The following ZNF423 variants were observed in gnomAD, a reference collection of about 807,000 sequenced individuals.
ZNF423 encodes zinc finger protein 423.
Under a neutral mutation model 95.8 loss-of-function variants are expected in ZNF423, and 12 were observed. The observed-to-expected ratio is 0.13, with a 90% CI of 0.08 to 0.20. The LOEUF (loss-of-function observed/expected upper bound fraction) is 0.20, where lower values mean the gene tolerates loss of function less well. ZNF423 is among the 10% of genes least tolerant of loss of function. The probability of loss-of-function intolerance (pLI) is 1.00; values close to 1 mark genes in which losing one functional copy is unlikely to be tolerated. For missense variants in ZNF423, 1,316 were observed against 1,737.1 expected, an observed-to-expected ratio of 0.76 and a Z score of 4.31; for synonymous variants, 749 against 711.9, an observed-to-expected ratio of 1.05 and a Z score of -0.83.
chr16:49,837,327 C>T (rs1284345196), intron 1 of ZNF423, among the ~76,000 whole-genome samples: 1 of 152,160 alleles, frequency 6.6e-6, no homozygotes, highest in South Asian at 2.1e-4. Flanking sequence ...TCTGAAACTC[C>T]TTTCCTCAAC....
chr16:49,522,544 T>A (rs2151703876), intron 7 of ZNF423, among the ~76,000 whole-genome samples: 1 of 152,238 alleles, frequency 6.6e-6, no homozygotes, highest in African/African-American at 2.4e-5. Flanking sequence ...AGGAGGTTTG[T>A]TATTGCAGCC....
intron 4 of ZNF423, among the ~76,000 whole-genome samples, chr16:49,634,020 C>A (rs1158236586): frequency 6.6e-6 from 1 of 151,876 alleles, no homozygotes. Context: ...AATTCTCCTG[C>A]CTCAGCCTCG....
At chr16:49,824,938 A>G (rs1213574240) in intron 1 of ZNF423, among the ~76,000 whole-genome samples, 1 of 152,232 alleles carries the variant, frequency 6.6e-6, no homozygotes, top group East Asian at 1.9e-4. Flanking sequence ...AAGACTCGAA[A>G]TAAAGTTTAA....
intron 3 of ZNF423, among the ~76,000 whole-genome samples, chr16:49,674,476 C>T (rs72780328): frequency 3.9e-5 from 6 of 152,220 alleles, no homozygotes; most frequent in South Asian, 4.2e-4. Context: ...GGCTCTGAGA[C>T]GTGATGTCAC....
At chr16:49,764,013 G>A (rs2033880312) in intron 2 of ZNF423, among the ~76,000 whole-genome samples, 1 of 152,154 alleles carries the variant, frequency 6.6e-6, no homozygotes, top group African/African-American at 2.4e-5. Flanking sequence ...CTGGCCCCAC[G>A]GGCAGGAGGA....
At chr16:49,777,104 C>T (rs1267174414) in intron 2 of ZNF423, among the ~76,000 whole-genome samples, 1 of 152,130 alleles carries the variant, frequency 6.6e-6, no homozygotes, top group Non-Finnish European at 1.5e-5. Context: ...TGTGTGCATA[C>T]CTGTGTCTGC....
intron 1 of ZNF423, among the ~76,000 whole-genome samples, chr16:49,834,188 G>T (rs151277785): frequency 6.6e-6 from 1 of 152,258 alleles, no homozygotes; most frequent in South Asian, 2.1e-4. Flanking sequence ...TTAAGGCCCT[G>T]CAGTTCCACT....
At chr16:49,589,791 G>A (rs1337920539) in intron 5 of ZNF423, among the ~76,000 whole-genome samples, 4 of 152,036 alleles carry the variant, frequency 2.6e-5, no homozygotes, top group South Asian at 4.1e-4. Flanking sequence ...GCTACAGTGG[G>A]ATAATTACTT....
chr16:49,795,453 T>G (rs1384317906), intron 1 of ZNF423, among the ~76,000 whole-genome samples: 2 of 152,104 alleles, frequency 1.3e-5, no homozygotes, highest in Non-Finnish European at 2.9e-5. Flanking sequence ...AACAGAAAAC[T>G]CTGGCCACAG....
chr16:49,828,893 A>T (rs2035033703), intron 1 of ZNF423, among the ~76,000 whole-genome samples: 1 of 152,136 alleles, frequency 6.6e-6, no homozygotes, highest in African/African-American at 2.4e-5. Flanking sequence ...CAAATTAGGG[A>T]GGCTTCATGG....
At chr16:49,740,895 T>C (rs1197440448) in intron 2 of ZNF423, among the ~76,000 whole-genome samples, 1 of 152,246 alleles carries the variant, frequency 6.6e-6, no homozygotes, top group East Asian at 1.9e-4. Context: ...AATCGCCTCC[T>C]TCAGGCCAGA....
intron 5 of ZNF423, among the ~76,000 whole-genome samples, chr16:49,574,805 C>T (rs2151792495): frequency 6.6e-6 from 1 of 152,344 alleles, no homozygotes; most frequent in South Asian, 2.1e-4. Flanking sequence ...TGCCTGTGTG[C>T]TGCCTGCCCC....
chr16:49,607,953 C>G (rs1270986370), intron 5 of ZNF423, among the ~76,000 whole-genome samples: 2 of 152,190 alleles, frequency 1.3e-5, no homozygotes, highest in Non-Finnish European at 1.5e-5. Flanking sequence ...TCTGCCCCTC[C>G]CAACTCCCAT....
Position 49,855,535 on chromosome 16 carries a change from G to A in ZNF423, c.40+200C>T, listed in dbSNP as rs1338209878. Reference sequence around the variant, plus strand: ...CTCCGCCGCCGCCGCCGCCGCCGCCGCCTCCGCCTCCTGCTCCCGGCTTCC... The same window carrying A: ...CTCCGCCGCCGCCGCCGCCGCCGCCACCTCCGCCTCCTGCTCCCGGCTTCC... On this transcript the variant is annotated intron_variant, in intron 1 of 7. Coordinates refer to ENST00000563137, the MANE Select transcript of ZNF423 (RefSeq NM_001379286.1). The surrounding 1 kb of genome is among the most constrained non-coding windows in gnomAD (Gnocchi z 4.7). Among the ~76,000 whole-genome samples the A allele has an allele frequency of 7.1e-6, 1 of 140,838 alleles. No homozygotes were observed. Among genetic ancestry groups the A allele is most frequent in the Non-Finnish European group, 1.6e-5 (1 of 64,502 alleles). 92.4% of individuals were successfully genotyped at this position (140,838 alleles called of 152,430 possible).
rs573288051 is a variant in ZNF423, at chr16:49,537,669, T to C, written c.3602-12175A>G. On this transcript the variant is annotated intron_variant, in intron 5 of 7. Coordinates refer to ENST00000563137, the MANE Select transcript of ZNF423 (RefSeq NM_001379286.1). ...AGTGCACAGGGCCCTCAAAAGGTCT[T>C]TTCTGAGGTCACGTCTTCCTCTCAA... 4.8e-4 allele frequency among the ~76,000 whole-genome samples: 73 copies of C among 152,228 alleles called. 1 individual carries two copies. The South Asian group carries it at 0.015, about 32-fold the overall frequency.
At chr16:49,814,509 C>T (rs1001644860) in intron 1 of ZNF423, among the ~76,000 whole-genome samples, 1 of 151,316 alleles carries the variant, frequency 6.6e-6, no homozygotes, top group African/African-American at 2.4e-5. Flanking sequence ...GGGACAGGAT[C>T]GGAGGGCAAG....
intron 3 of ZNF423, among the ~76,000 whole-genome samples, chr16:49,673,472 G>A (rs2030911191): frequency 6.6e-6 from 1 of 152,246 alleles, no homozygotes; most frequent in Admixed American, 6.5e-5. Context: ...GACTGCGGGT[G>A]CTTGTTAAGG....
intron 1 of ZNF423, among the ~76,000 whole-genome samples, chr16:49,840,787 G>A (rs1161292957): frequency 6.6e-6 from 1 of 151,864 alleles, no homozygotes; most frequent in Non-Finnish European, 1.5e-5. Context: ...CACAGACTCA[G>A]ACACACGCAC....
At chr16:49,656,162 G>T (rs1349238901) in intron 3 of ZNF423, among the ~76,000 whole-genome samples, 2 of 152,186 alleles carry the variant, frequency 1.3e-5, no homozygotes, top group African/African-American at 4.8e-5. Context: ...GCTGGTTTAT[G>T]TGACTTTCTT....
Sources: gnomAD v4.1 joint callset for allele counts (sites outside exome capture counted in the v4.1 genomes callset) on GRCh38, gnomAD v4.1.1 for gene constraint, Gnocchi (gnomAD v3.1) non-coding constraint, MANE v1.5 for transcripts, NCBI Gene and HGNC (gene_info 2026-07-23, HGNC 2026-07-21) for gene names.